Variants in DCC observed in about 807,000 individuals in gnomAD.
DCC encodes the protein DCC netrin 1 receptor, also known as netrin receptor DCC.
DCC carries 58 observed loss-of-function variants against 172.5 expected under a neutral mutation model. That is an observed-to-expected ratio of 0.34 (90% CI 0.27 to 0.42). The LOEUF is 0.42. Among genes scored for constraint, DCC ranks in the 10% least tolerant of loss-of-function variants. The pLI is 1.00. For synonymous variants in DCC, 709 were observed against 644.5 expected (o/e 1.10, Z -1.52); for missense variants, 1,740 against 1,791.0 (o/e 0.97, Z 0.51).
At chr18:52,963,212 G>A (rs564885983) in intron 5 of DCC, among the ~76,000 whole-genome samples, 40 of 151,488 alleles carry the variant, frequency 2.6e-4, no homozygotes, top group Admixed American at 2.5e-3. Flanking sequence ...AAGGGATATA[G>A]ATTTTTTTAA....
At chr18:52,974,384 G>A (rs2041079314) in intron 5 of DCC, among the ~76,000 whole-genome samples, 1 of 152,170 alleles carries the variant, frequency 6.6e-6, no homozygotes, top group Non-Finnish European at 1.5e-5. Flanking sequence ...AGCTATTAAT[G>A]AAATGTTGAT....
At chr18:53,122,690 G>C (rs376042771) in intron 7 of DCC, among the ~76,000 whole-genome samples, 3 of 151,926 alleles carry the variant, frequency 2.0e-5, no homozygotes, top group Non-Finnish European at 4.4e-5. Flanking sequence ...ATTGCCTTGT[G>C]GTCTGACCTG....
chr18:53,031,346 T>G lies in DCC; in HGVS notation c.986-31959T>G, dbSNP rs1372716388. Among the ~76,000 whole-genome samples, 3 of 152,216 alleles carry G rather than the reference T, an allele frequency of 2.0e-5. No individual in the cohort carries two copies. The East Asian group carries it at 5.8e-4, about 29-fold the overall frequency. ...TTCATAGACTAGATATATTGCAGTC[T>G]TGTTGCATTGTAAATTAGAGTTCCT... On this transcript the variant is annotated intron_variant, in intron 5 of 28. Coordinates refer to ENST00000442544, the MANE Select transcript of DCC (RefSeq NM_005215.4).
chr18:52,972,678 C>T (rs764730222), intron 5 of DCC, among the ~76,000 whole-genome samples: 2 of 152,192 alleles, frequency 1.3e-5, no homozygotes, highest in African/African-American at 4.8e-5. Context: ...GCCTTATCTA[C>T]ACTTTCCTCT....
chr18:52,707,019 A>G (rs936365404), intron 1 of DCC, among the ~76,000 whole-genome samples: 2 of 152,198 alleles, frequency 1.3e-5, no homozygotes, highest in African/African-American at 4.8e-5. Context: ...TGGAGGGATT[A>G]GGGTCCCATG....
chr18:53,117,273 A>G (rs769654834), intron 7 of DCC, among the ~76,000 whole-genome samples: 1 of 151,742 alleles, frequency 6.6e-6, no homozygotes, highest in Non-Finnish European at 1.5e-5. Context: ...CTTGCTCCGT[A>G]TGAAATTTCC....
At chr18:52,514,597 C>T (rs1269926182) in intron 1 of DCC, among the ~76,000 whole-genome samples, 1 of 152,192 alleles carries the variant, frequency 6.6e-6, no homozygotes, top group Non-Finnish European at 1.5e-5. Context: ...GATTTGTCTC[C>T]TTAAAATGTG....
chr18:53,010,643 A>C (rs950813236), intron 5 of DCC, among the ~76,000 whole-genome samples: 4 of 150,688 alleles, frequency 2.7e-5, no homozygotes, highest in Non-Finnish European at 5.9e-5. Context: ...TTAATACAAG[A>C]TATTAAGTAA....
chr18:53,027,094 G>A (rs968493984), intron 5 of DCC, among the ~76,000 whole-genome samples: 6 of 152,106 alleles, frequency 3.9e-5, no homozygotes, highest in African/African-American at 1.4e-4. Flanking sequence ...ACAGAGTGCT[G>A]TATTTCTTTC....
chr18:53,490,228 A>AT (rs894439815), intron 26 of DCC, among the ~76,000 whole-genome samples: 1 of 152,110 alleles, frequency 6.6e-6, no homozygotes, highest in African/African-American at 2.4e-5. Context: ...ATTTTAAAAA[A>AT]ATACAGGCTG....
At chr18:52,887,352 G>A (rs1057490282) in intron 2 of DCC, among the ~76,000 whole-genome samples, 1 of 151,692 alleles carries the variant, frequency 6.6e-6, no homozygotes, top group Admixed American at 6.6e-5. Context: ...CAGAAATGGA[G>A]AGCCAAACAT....
chr18:52,417,078 A>T (rs1369205936), intron 1 of DCC, among the ~76,000 whole-genome samples: 2 of 152,108 alleles, frequency 1.3e-5, no homozygotes, highest in Non-Finnish European at 2.9e-5. Context: ...GTGGTGACAA[A>T]ATCTCTCAAC....
Position 53,063,464 on chromosome 18 carries a change from T to G in DCC, c.1140+5T>G. The G allele has an allele frequency of 6.3e-7, 1 of 1,595,084 alleles. No individual in the cohort carries two copies. The highest frequency in any genetic ancestry group is 8.6e-7 in the Non-Finnish European group (1 of 1,163,082). ...AGTGATTATTTTCAGATAGTGGTAA[T>G]TATTTTGTTTCATATTTGTTTTATA... On this transcript the variant is annotated splice_donor_5th_base_variant and intron_variant, in intron 6 of 28. Transcript: ENST00000442544.
At chr18:52,444,763 T>C (rs1988071397) in intron 1 of DCC, among the ~76,000 whole-genome samples, 1 of 152,152 alleles carries the variant, frequency 6.6e-6, no homozygotes, top group Non-Finnish European at 1.5e-5. Context: ...CAAAATATCA[T>C]TGAAACCCTT....
chr18:53,517,090 C>CT (rs2046342816), intron 27 of DCC, among the ~76,000 whole-genome samples: 1 of 141,760 alleles, frequency 7.1e-6, no homozygotes, highest in African/African-American at 2.7e-5. Context: ...AAATGTGGCA[C>CT]ATATACACCA....
At chr18:52,459,882 C>CATAT (rs34562886) in intron 1 of DCC, among the ~76,000 whole-genome samples, 51,847 of 148,390 alleles carry the variant, frequency 0.35, 9,422 homozygotes, top group East Asian at 0.43. Flanking sequence ...GCATAGTATT[C>CATAT]ATATATATAT....
intron 2 of DCC, among the ~76,000 whole-genome samples, chr18:52,777,289 G>A: frequency 7.6e-6 from 1 of 130,784 alleles, no homozygotes; most frequent in East Asian, 2.4e-4. Context: ...AAAGTGTCAG[G>A]AGGGACCACA....
At chr18:53,405,795 A>G (rs1261253633) in intron 19 of DCC, among the ~76,000 whole-genome samples, 4 of 152,228 alleles carry the variant, frequency 2.6e-5, no homozygotes, top group Non-Finnish European at 5.9e-5. Flanking sequence ...ACATATTCCT[A>G]TTATTCCATT....
At chr18:52,760,585 G>T (rs60577754) in intron 2 of DCC, among the ~76,000 whole-genome samples, 16,411 of 152,122 alleles carry the variant, frequency 0.11, 2,944 homozygotes, top group African/African-American at 0.37. Context: ...TAGAATAATT[G>T]TAGCATTACA....
Sources: gnomAD v4.1 joint callset for allele counts (sites outside exome capture counted in the v4.1 genomes callset) on GRCh38, gnomAD v4.1.1 for gene constraint, MANE v1.5 for transcripts, NCBI Gene and HGNC (gene_info 2026-07-23, HGNC 2026-07-21) for gene names.